SLC13A3: variants seen among roughly 807,000 people sequenced by gnomAD.
The protein encoded by SLC13A3 is Na(+)/dicarboxylate cotransporter 3.
SLC13A3 carries 40 observed loss-of-function variants against 59.0 expected under a neutral mutation model. That is an observed-to-expected ratio of 0.68 (90% CI 0.53 to 0.88). The LOEUF (loss-of-function observed/expected upper bound fraction) is 0.88, where lower values mean the gene tolerates loss of function less well. Ranked by LOEUF, SLC13A3 falls within the 40% of genes least tolerant of loss-of-function variation. The probability of loss-of-function intolerance (pLI) is 0.00; values close to 1 mark genes in which losing one functional copy is unlikely to be tolerated. For synonymous variants in SLC13A3, 317 were observed against 330.3 expected, an observed-to-expected ratio of 0.96 and a Z score of 0.44; for missense variants, 699 against 783.2, an observed-to-expected ratio of 0.89 and a Z score of 1.28.
At chr20:46,574,822 C>A (rs1366263427) in intron 10 of SLC13A3, among the ~76,000 whole-genome samples, 1 of 138,744 alleles carries the variant, frequency 7.2e-6, no homozygotes, top group Non-Finnish European at 1.5e-5. Flanking sequence ...ACGTGTAAAG[C>A]ATGTTTTTTT....
At chr20:46,624,009 G>A (rs138890147) in intron 1 of SLC13A3, among the ~76,000 whole-genome samples, 302 of 152,208 alleles carry the variant, frequency 2.0e-3, no homozygotes, top group African/African-American at 7.1e-3. Context: ...CTATTCTCTA[G>A]CATGCCTGAA....
At chr20:46,665,886 C>T (rs1364278288) in intron 1 of SLC13A3, among the ~76,000 whole-genome samples, 3 of 152,210 alleles carry the variant, frequency 2.0e-5, no homozygotes, top group Admixed American at 6.5e-5. Flanking sequence ...AGTTTCTCTA[C>T]ATCTTCCCAG....
Position 46,659,372 on chromosome 20 carries a change from C to T in SLC13A3, c.-31+10671G>A, listed in dbSNP as rs766275847. Among the ~76,000 whole-genome samples the T allele has an allele frequency of 2.2e-4, 33 of 152,010 alleles. 1 individual carries two copies. The highest frequency in any genetic ancestry group is 7.9e-4 in the Admixed American group (12 of 15,248). On this transcript the variant is annotated intron_variant, in intron 1 of 12. Coordinates refer to the SLC13A3 transcript ENST00000290317. ...GAGATTATGATATGCATCTTTATCA[C>T]AGTCTACCTTTGCACAATGATATAT...
chr20:46,658,586 CAGG>C (rs2063009024), intron 1 of SLC13A3, among the ~76,000 whole-genome samples: 1 of 152,166 alleles, frequency 6.6e-6, no homozygotes, highest in South Asian at 2.1e-4. Context: ...GAGGCCAAGG[CAGG>C]AGGACTGCTT....
chr20:46,638,186 G>T (rs1464916564), intron 1 of SLC13A3, among the ~76,000 whole-genome samples: 1 of 152,190 alleles, frequency 6.6e-6, no homozygotes, highest in African/African-American at 2.4e-5. Context: ...ACCTGCGGCT[G>T]GGCACTCTGT....
At chr20:46,599,936 C>T in intron 4 of SLC13A3, 35 bp downstream of exon 4, 1 of 1,468,958 alleles carries the variant, frequency 6.8e-7, no homozygotes, top group East Asian at 2.4e-5. Flanking sequence ...TTGAATCAAG[C>T]ACTGGGTCCT....
chr20:46,656,580 A>G (rs541735590), intron 1 of SLC13A3, among the ~76,000 whole-genome samples: 1 of 146,382 alleles, frequency 6.8e-6, no homozygotes, highest in South Asian at 2.1e-4. Flanking sequence ...TATACAGTAC[A>G]TATATTATAC....
intron 8 of SLC13A3, among the ~76,000 whole-genome samples, chr20:46,586,465 C>T (rs371724520): frequency 1.3e-3 from 204 of 152,272 alleles, no homozygotes; most frequent in South Asian, 4.1e-3. Context: ...CATAGCTGAG[C>T]CCATTGATTC....
intron 5 of SLC13A3, among the ~76,000 whole-genome samples, chr20:46,592,996 T>C (rs912515305): frequency 6.6e-6 from 1 of 152,242 alleles, no homozygotes; most frequent in Admixed American, 6.5e-5. Context: ...GAGTCACATA[T>C]AACACATCTG....
At chr20:46,667,306 T>G (rs1229719755) in intron 1 of SLC13A3, among the ~76,000 whole-genome samples, 2 of 152,134 alleles carry the variant, frequency 1.3e-5, no homozygotes, top group African/African-American at 4.8e-5. Flanking sequence ...GAGAATTGGA[T>G]TCATTGACAT....
chr20:46,675,119 C>A (rs2063116778), upstream of SLC13A3, among the ~76,000 whole-genome samples: 1 of 151,062 alleles, frequency 6.6e-6, no homozygotes, highest in South Asian at 2.1e-4. Flanking sequence ...GCAAGGAGCC[C>A]AGTGTGGCTG....
In SLC13A3 at chr20:46,560,194, C is replaced by T. The variant is rs188700676; in HGVS notation, c.1637G>A (p.Arg546Gln). ...SGHLLVKDMV[R>Q]TGLLMNLMGV... ...CATCAGGTTCATCAGGAGGCCTGTC[C>T]GCACCTGAAATAGAGCCCAGACAGA... Residue 546 changes from arginine to glutamine, a missense_variant, in exon 13 of 13, where the codon CGG (arginine) becomes CAG (glutamine). Coordinates refer to ENST00000279027, the MANE Select transcript of SLC13A3 (RefSeq NM_022829.6). 1.7e-4 allele frequency: 273 copies of T among 1,614,010 alleles called. No homozygotes were observed. The highest frequency in any genetic ancestry group is 4.9e-4 in the East Asian group (22 of 44,886).
intron 1 of SLC13A3, chr20:46,669,922 G>A (rs867594580): frequency 1.4e-4 from 22 of 152,230 alleles, no homozygotes; most frequent in African/African-American, 4.1e-4. Flanking sequence ...TAACATCATC[G>A]TAAGTTAAGA....
At chr20:46,659,091 C>T (rs756054336) in intron 1 of SLC13A3, among the ~76,000 whole-genome samples, 1 of 152,020 alleles carries the variant, frequency 6.6e-6, no homozygotes, top group Non-Finnish European at 1.5e-5. Context: ...ATGAACTCTG[C>T]TTTTTTATCT....
At chr20:46,645,518 G>A (rs183619896) in intron 1 of SLC13A3, among the ~76,000 whole-genome samples, 139 of 152,304 alleles carry the variant, frequency 9.1e-4, no homozygotes, top group Middle Eastern at 6.8e-3. Flanking sequence ...GACAAGACAC[G>A]CTTCCAGGCT....
chr20:46,602,588 C>T (rs28469219), intron 3 of SLC13A3, among the ~76,000 whole-genome samples: 3,392 of 152,114 alleles, frequency 0.022, 106 homozygotes, highest in African/African-American at 0.077. Context: ...TAGTTCCCAG[C>T]GAGGGCCAAT....
chr20:46,653,931 C>T (rs1481760163), upstream of SLC13A3, among the ~76,000 whole-genome samples: 1 of 151,968 alleles, frequency 6.6e-6, no homozygotes, highest in Non-Finnish European at 1.5e-5. Flanking sequence ...TGTCTGAGTC[C>T]CTGCTTTCAG....
In SLC13A3 at chr20:46,651,409, C is replaced by T. The variant is rs1197878790; in HGVS notation, c.13G>A (p.Ala5Thr). 7 of 1,488,732 alleles carry T rather than the reference C, an allele frequency of 4.7e-6. No individual in the cohort carries two copies. Among genetic ancestry groups the T allele is most frequent in the Non-Finnish European group, 5.3e-6 (6 of 1,125,018 alleles). The allele number at this position is 1,488,732 out of a possible 1,614,324, so 92.2% of individuals were successfully genotyped here. A position where few individuals can be genotyped will look rare whatever the true frequency, so the allele number is the denominator to read the frequency against. Residue 5 changes from alanine to threonine, a missense_variant, in exon 1 of 13, where the codon GCA (alanine) becomes ACA (threonine). By Grantham distance (58) the Ala-to-Thr change is moderately conservative. Coordinates refer to ENST00000279027, the MANE Select transcript of SLC13A3 (RefSeq NM_022829.6). MAAL[A>T]AAAKKVWSAR... ...CTCCACACCTTCTTGGCCGCTGCTG[C>T]CAGCGCCGCCATCAGCGCGATCGCC... is the stretch of plus-strand genomic sequence containing the variant.
chr20:46,587,126 A>C (rs2062201492), intron 8 of SLC13A3, among the ~76,000 whole-genome samples: 1 of 152,156 alleles, frequency 6.6e-6, no homozygotes. Context: ...ATAGCTCCTA[A>C]CTATTCTCCT....
Sources: allele counts gnomAD v4.1 joint callset (sites outside exome capture counted in the v4.1 genomes callset), GRCh38; gene constraint gnomAD v4.1.1; transcripts MANE v1.5; gene names NCBI Gene and HGNC (gene_info 2026-07-23, HGNC 2026-07-21).